CDH19: variants seen among roughly 807,000 people sequenced by gnomAD.
The protein encoded by CDH19 is cadherin-19.
A neutral mutation model predicts 64.2 loss-of-function variants in CDH19; 67 were observed. The ratio of observed to expected loss-of-function variants is 1.04; its 90% confidence interval spans 0.86 to 1.28. The LOEUF is 1.28. Ranked by LOEUF, CDH19 falls within the 50% of genes most tolerant of loss-of-function variation. The pLI is 0.00. For synonymous variants in CDH19, 346 were observed against 319.3 expected (o/e 1.08, Z -0.89); for missense variants, 1,030 against 929.0 (o/e 1.11, Z -1.41).
intron 7 of CDH19, among the ~76,000 whole-genome samples, chr18:66,540,476 G>A (rs1986845673): frequency 6.6e-6 from 1 of 152,110 alleles, no homozygotes. Context: ...CATAGACTGG[G>A]CAGCTTATAA....
chr18:66,595,450 A>G (rs928324359), intron 1 of CDH19, among the ~76,000 whole-genome samples: 3 of 151,398 alleles, frequency 2.0e-5, no homozygotes, highest in Admixed American at 6.6e-5. Context: ...ATAAAGAAAA[A>G]AAAAAGGATC....
intron 2 of CDH19, among the ~76,000 whole-genome samples, chr18:66,569,596 T>C (rs1988034917): frequency 6.6e-6 from 1 of 151,648 alleles, no homozygotes; most frequent in Non-Finnish European, 1.5e-5. Context: ...CAAAGTAAAT[T>C]AGTTCATCAT....
chr18:66,563,128 C>G (rs1374389289), intron 3 of CDH19, among the ~76,000 whole-genome samples: 1 of 151,970 alleles, frequency 6.6e-6, no homozygotes, highest in African/African-American at 2.4e-5. Context: ...TTTTCCTATG[C>G]AGACTAATTT....
intron 9 of CDH19, among the ~76,000 whole-genome samples, chr18:66,516,546 C>G (rs548100844): frequency 6.6e-6 from 1 of 152,058 alleles, no homozygotes; most frequent in South Asian, 2.1e-4. Context: ...AAGATGTCAC[C>G]AAAGTAATGT....
chr18:66,586,576 T>C (rs1988584541), intron 1 of CDH19, among the ~76,000 whole-genome samples: 1 of 151,788 alleles, frequency 6.6e-6, no homozygotes, highest in Admixed American at 6.6e-5. Flanking sequence ...CCACAAAGTG[T>C]CTATAAACAG....
chr18:66,590,212 C>T (rs916645671), intron 1 of CDH19, among the ~76,000 whole-genome samples: 4 of 151,732 alleles, frequency 2.6e-5, no homozygotes, highest in East Asian at 1.9e-4. Context: ...GATGACTTTA[C>T]GGTAAATATT....
chr18:66,587,914 C>T (rs995730593), intron 1 of CDH19, among the ~76,000 whole-genome samples: 2 of 152,122 alleles, frequency 1.3e-5, no homozygotes, highest in Admixed American at 6.6e-5. Context: ...TAATTTGTCT[C>T]ATAATTCAAT....
intron 1 of CDH19, among the ~76,000 whole-genome samples, chr18:66,573,430 C>T (rs960140750): frequency 6.6e-6 from 1 of 151,550 alleles, no homozygotes; most frequent in Non-Finnish European, 1.5e-5. Flanking sequence ...TCCCGGTATA[C>T]TCCCTTTAAG....
intron 5 of CDH19, among the ~76,000 whole-genome samples, chr18:66,548,245 T>TTA (rs201306230): frequency 8.9e-4 from 88 of 98,694 alleles, no homozygotes; most frequent in Admixed American, 5.9e-3. Flanking sequence ...CTGAACCCCT[T>TTA]TATATATATA....
chr18:66,524,542 GTATA>G (rs72219868), intron 9 of CDH19, among the ~76,000 whole-genome samples: 2,118 of 94,534 alleles, frequency 0.022, 35 homozygotes, highest in Admixed American at 0.043. Context: ...ATGTTTGTGT[GTATA>G]TATATATATA....
chr18:66,584,247 A>T (rs1374084412), intron 1 of CDH19, among the ~76,000 whole-genome samples: 1 of 152,058 alleles, frequency 6.6e-6, no homozygotes. Flanking sequence ...ACATGACAAA[A>T]AGCTCAGTCT....
At chr18:66,589,201 G>A (rs1941730) in intron 1 of CDH19, among the ~76,000 whole-genome samples, 50,489 of 149,944 alleles carry the variant, frequency 0.34, 9,841 homozygotes, top group Non-Finnish European at 0.45. Flanking sequence ...TGTTTATCAC[G>A]TAAATTATAT....
intron 11 of CDH19, among the ~76,000 whole-genome samples, chr18:66,505,708 C>G (rs1413495285): frequency 6.6e-6 from 1 of 151,200 alleles, no homozygotes; most frequent in African/African-American, 2.4e-5. Context: ...ACTTTAGTAG[C>G]CAATGCTTCA....
intron 9 of CDH19, among the ~76,000 whole-genome samples, chr18:66,527,047 A>ATGTGTGTG (rs71169151): frequency 6.9e-6 from 1 of 144,932 alleles, no homozygotes; most frequent in South Asian, 2.1e-4. Context: ...ATATATATAT[A>ATGTGTGTG]TGTGTGTGTG....
intron 9 of CDH19, among the ~76,000 whole-genome samples, chr18:66,520,468 GT>G (rs11322610): frequency 0.23 from 34,759 of 150,424 alleles, 4,398 homozygotes; most frequent in East Asian, 0.46. Context: ...TTTCAAAAGA[GT>G]AAAGAAAATA....
rs775294531 is a variant in CDH19, at chr18:66,544,144, C to T, written c.1041G>A (p.Lys347=). 7 of 1,613,892 alleles carry T rather than the reference C, an allele frequency of 4.3e-6. No individual in the cohort carries two copies. The South Asian group carries it at 6.6e-5, about 15-fold the overall frequency. ...AAGTGGTGGAAGCCTCAGTGTGGTA[C>T]TTCATGAGCTGCTCAGGAACATGAT... ...KNHHVPEQLM[K]YHTEASTTFI... The change falls in exon 7 of 12, where the codon AAG becomes AAA. Residue 347 remains lysine, a synonymous_variant. Coordinates refer to ENST00000262150, the MANE Select transcript of CDH19 (RefSeq NM_021153.4).
chr18:66,593,253 G>T (rs1988793542), intron 1 of CDH19, among the ~76,000 whole-genome samples: 4 of 151,714 alleles, frequency 2.6e-5, no homozygotes, highest in Non-Finnish European at 1.5e-5. Flanking sequence ...TTGTATTTTT[G>T]AAAGTAACCA....
At chr18:66,508,456 C>G (rs985906993) in intron 11 of CDH19, among the ~76,000 whole-genome samples, 1 of 151,180 alleles carries the variant, frequency 6.6e-6, no homozygotes, top group African/African-American at 2.4e-5. Context: ...TGTTGTATAA[C>G]AATGTGTTGT....
At chr18:66,534,739 T>G (rs1986591336) in intron 8 of CDH19, among the ~76,000 whole-genome samples, 1 of 151,946 alleles carries the variant, frequency 6.6e-6, no homozygotes. Context: ...TTGTATTTTG[T>G]TGTTTCCTCA....
Sources: gnomAD v4.1 joint callset for allele counts (sites outside exome capture counted in the v4.1 genomes callset) on GRCh38, gnomAD v4.1.1 for gene constraint, MANE v1.5 for transcripts, NCBI Gene and HGNC (gene_info 2026-07-23, HGNC 2026-07-21) for gene names.